The following CCDC138 variants were observed in gnomAD, a reference collection of about 807,000 sequenced individuals.
CCDC138 encodes coiled-coil domain-containing protein 138.
In CCDC138, 66 loss-of-function variants were observed where a neutral mutation model predicts 82.3. That is an observed-to-expected ratio of 0.80 (90% CI 0.66 to 0.98). CCDC138 has a LOEUF of 0.98. Ranked by LOEUF, CCDC138 falls within the 50% of genes least tolerant of loss-of-function variation. CCDC138 has a pLI of 0.00. For missense variants in CCDC138, 816 were observed against 758.9 expected (o/e 1.08, Z -0.88); for synonymous variants, 297 against 265.4 (o/e 1.12, Z -1.16).
intron 10 of CCDC138, among the ~76,000 whole-genome samples, chr2:108,825,893 A>G (rs540022573): frequency 6.6e-5 from 10 of 152,334 alleles, no homozygotes; most frequent in African/African-American, 2.2e-4. Context: ...CAGTCTGCAG[A>G]AGTTTCGATT....
At chr2:108,884,279 G>T (rs1412135584) in intron 2 of CCDC138, 1 of 152,174 alleles carries the variant, frequency 6.6e-6, no homozygotes, top group African/African-American at 2.4e-5. Flanking sequence ...GGACCATGGT[G>T]CCTGGTCTCC....
intron 12 of CCDC138, among the ~76,000 whole-genome samples, chr2:108,853,667 C>T (rs983895445): frequency 2.0e-5 from 3 of 149,902 alleles, no homozygotes; most frequent in Admixed American, 1.4e-4. Context: ...GCTGGGACTA[C>T]AGGCATGCAC....
At position 108,788,039 on chromosome 2, in the gene CCDC138, T is replaced by C. The variant is rs1679205170; in HGVS notation, c.101T>C (p.Phe34Ser). The C allele has an allele frequency of 6.4e-7, 1 of 1,568,284 alleles. No individual in the cohort carries two copies. Residue 34 changes from phenylalanine (F) to serine (S), a missense_variant, in exon 2 of 15, where the codon TTT becomes TCT. Transcript: ENST00000295124. ...LGGSCPDEYD[F>S]SNFYQSKYKR... ...TTTTCTTTTTTTTTTTAGTATGATT[T>C]TTCAAATTTTTATCAGTCTAAGTAT...
intron 12 of CCDC138, among the ~76,000 whole-genome samples, chr2:108,849,872 G>A (rs1002302965): frequency 6.6e-6 from 1 of 152,236 alleles, no homozygotes; most frequent in Non-Finnish European, 1.5e-5. Flanking sequence ...ATGCTGATGA[G>A]TCTCAGGGAG....
At chr2:108,854,712 G>C (rs909352327) in intron 12 of CCDC138, among the ~76,000 whole-genome samples, 5 of 152,092 alleles carry the variant, frequency 3.3e-5, no homozygotes, top group Admixed American at 6.6e-5. Context: ...GGCTCGGCTG[G>C]GCTTGGTTCT....
At chr2:108,836,837 C>T (rs1021172361) in intron 10 of CCDC138, among the ~76,000 whole-genome samples, 1 of 151,988 alleles carries the variant, frequency 6.6e-6, no homozygotes, top group African/African-American at 2.4e-5. Context: ...GTAAGTGGAA[C>T]TGTTTTCCTA....
At chr2:108,827,767 G>A (rs1202912086) in intron 10 of CCDC138, among the ~76,000 whole-genome samples, 7 of 149,080 alleles carry the variant, frequency 4.7e-5, no homozygotes, top group Non-Finnish European at 1.0e-4. Flanking sequence ...AGTGAGCTGA[G>A]ATTGTCCCAC....
At chr2:108,883,589 A>T (rs187657306) in intron 2 of CCDC138, 1 of 152,376 alleles carries the variant, frequency 6.6e-6, no homozygotes, top group East Asian at 1.9e-4. Flanking sequence ...CAGGATGTCC[A>T]GTTTCAGCCT....
At chr2:108,798,401 G>A (rs756933167) in intron 5 of CCDC138, 27 bp from the exon 6 acceptor site, 4 of 1,596,590 alleles carry the variant, frequency 2.5e-6, no homozygotes, top group South Asian at 2.3e-5. Context: ...CTTTTCAAGA[G>A]CATTAAAGTC....
In CCDC138 at chr2:108,856,975, G is replaced by A; in HGVS notation, c.1693+5G>A. The A allele has an allele frequency of 7.3e-7, 1 of 1,378,160 alleles. No individual in the cohort carries two copies. The highest frequency in any genetic ancestry group is 9.7e-7 in the Non-Finnish European group (1 of 1,029,956). The allele number at this position is 1,378,160 out of a possible 1,614,324, so 85.4% of individuals were successfully genotyped here. A position where few individuals can be genotyped will look rare whatever the true frequency, so the allele number is the denominator to read the frequency against. ...TCCAGATGACGGTGGAATCTAGTAA[G>A]TTTTTAAGTTCTATATGTGTAAAGA... On this transcript the variant is annotated splice_donor_5th_base_variant and intron_variant, in intron 13 of 14. Transcript: ENST00000295124.
chr2:108,858,700 CTTTT>C (rs920075406), intron 13 of CCDC138, among the ~76,000 whole-genome samples: 1 of 143,816 alleles, frequency 7.0e-6, no homozygotes, highest in Non-Finnish European at 1.5e-5. Flanking sequence ...CTATTTTTTT[CTTTT>C]TTTTTTTAAT....
At chr2:108,835,691 A>G (rs1354044131) in intron 10 of CCDC138, among the ~76,000 whole-genome samples, 4 of 152,230 alleles carry the variant, frequency 2.6e-5, no homozygotes, top group Non-Finnish European at 4.4e-5. Flanking sequence ...ATTTTTAAGT[A>G]TACAGTTCAT....
At chr2:108,856,749 C>T (rs756971098) in intron 12 of CCDC138, 45 bp from the exon 13 acceptor site, 2 of 1,580,292 alleles carry the variant, frequency 1.3e-6, no homozygotes, top group South Asian at 1.2e-5. Flanking sequence ...TGATTGACAC[C>T]TAGACTAGCA....
intron 7 of CCDC138, among the ~76,000 whole-genome samples, chr2:108,811,247 C>CTTTTTTTTTTTTTTTTTTTT (rs55661786): frequency 4.4e-5 from 5 of 113,932 alleles, no homozygotes; most frequent in African/African-American, 1.9e-4. Flanking sequence ...TTCTCTCTCT[C>CTTTTTTTTTTTTTTTTTTTT]TTTTTTTTTT....
intron 10 of CCDC138, among the ~76,000 whole-genome samples, chr2:108,831,165 C>T (rs1034757086): frequency 2.6e-5 from 4 of 151,322 alleles, no homozygotes; most frequent in East Asian, 1.9e-4. Flanking sequence ...AGTTATAGAG[C>T]GGGACTCTGT....
chr2:108,847,005 TC>T, intron 12 of CCDC138, 75 bp downstream of exon 12: 1 of 816,064 alleles, frequency 1.2e-6, no homozygotes. Context: ...AATTCTTTTA[TC>T]AAATATGTTG....
chr2:108,817,351 G>A (rs570763028), intron 10 of CCDC138, among the ~76,000 whole-genome samples: 1 of 151,678 alleles, frequency 6.6e-6, no homozygotes, highest in Admixed American at 6.6e-5. Context: ...GGAGTGCAGT[G>A]GTGCCATCTT....
At chr2:108,871,799 A>T (rs1472601080) in intron 13 of CCDC138, among the ~76,000 whole-genome samples, 1 of 152,168 alleles carries the variant, frequency 6.6e-6, no homozygotes, top group Non-Finnish European at 1.5e-5. Context: ...TCTGATTTTT[A>T]AAAGTGATAT....
At chr2:108,812,957 G>A (rs1199720363) in intron 9 of CCDC138, 30 bp downstream of exon 9, 1 of 1,605,428 alleles carries the variant, frequency 6.2e-7, no homozygotes, top group Admixed American at 1.7e-5. Flanking sequence ...TGATATGATT[G>A]AAAATTTCTC....
Sources: gnomAD v4.1 joint callset for allele counts (sites outside exome capture counted in the v4.1 genomes callset) on GRCh38, gnomAD v4.1.1 for gene constraint, MANE v1.5 for transcripts, NCBI Gene and HGNC (gene_info 2026-07-23, HGNC 2026-07-21) for gene names.